FBXL4: variants seen among roughly 807,000 people sequenced by gnomAD.
The protein encoded by FBXL4 is F-box and leucine rich repeat protein 4, also known as F-box/LRR-repeat protein 4.
FBXL4 carries 40 observed loss-of-function variants against 58.9 expected under a neutral mutation model. That is an observed-to-expected ratio of 0.68 (90% CI 0.53 to 0.88). The LOEUF is 0.88. FBXL4 is among the 40% of genes least tolerant of loss of function. The pLI, the probability that FBXL4 is intolerant of heterozygous loss-of-function variation, is 0.00. For synonymous variants in FBXL4, 263 were observed against 265.5 expected, an observed-to-expected ratio of 0.99 and a Z score of 0.09; for missense variants, 676 against 734.4, an observed-to-expected ratio of 0.92 and a Z score of 0.92.
rs370094281 is a variant in FBXL4, at chr6:98,935,652, G to T, written c.-308-773C>A. Among the ~76,000 whole-genome samples, 642 of 151,262 alleles carry T rather than the reference G, an allele frequency of 4.2e-3. 6 individuals are homozygous for T. Among genetic ancestry groups the T allele is most frequent in the African/African-American group, 0.015 (601 of 41,120 alleles). On this transcript the variant is annotated intron_variant, in intron 1 of 9. Transcript: ENST00000369244. The stretch of plus-strand genomic sequence containing the variant: ...AAAATACAAAAAATTAGCCGGGCGC[G>T]GTGGCGGGCGCCTGTAGTCCCAGCT...
rs1340897612 is a variant in FBXL4 at position 98,875,631 on chromosome 6, C to T, written c.1486G>A (p.Gly496Arg). 1 of 1,614,110 alleles carries T rather than the reference C, an allele frequency of 6.2e-7. No homozygotes were observed. Among genetic ancestry groups the T allele is most frequent in the African/African-American group, 1.3e-5 (1 of 75,040 alleles). ...CACCCAGAAGCCAGTTCTGCTATTC[C>T]ATTCTCAGTAATATTCTTACATCTC... ...LWRCKNITEN[G>R]IAELASGCPL... is the part of the protein sequence containing the mutation. Residue 496 changes from glycine to arginine, a missense_variant, in exon 9 of 10, where the codon GGA becomes AGA. Physicochemically the swap from Gly to Arg is moderately radical, Grantham distance 125. Transcript: ENST00000369244.
intron 4 of FBXL4, among the ~76,000 whole-genome samples, chr6:98,919,629 T>TA (rs1282846974): frequency 6.6e-6 from 1 of 152,136 alleles, no homozygotes; most frequent in Non-Finnish European, 1.5e-5. Context: ...GATTAACTGC[T>TA]AAAATCAAGG....
At chr6:98,947,036 C>A (rs367794272) in intron 1 of FBXL4, among the ~76,000 whole-genome samples, 1 of 152,258 alleles carries the variant, frequency 6.6e-6, no homozygotes, top group East Asian at 1.9e-4. Flanking sequence ...GAGATCCCTG[C>A]ACCTGGTGGT....
At chr6:98,935,871 T>C (rs575997663) in intron 1 of FBXL4, among the ~76,000 whole-genome samples, 3 of 151,476 alleles carry the variant, frequency 2.0e-5, no homozygotes, top group African/African-American at 7.3e-5. Flanking sequence ...TTAGCAGATA[T>C]GCAATGATAT....
chr6:98,901,942 A>G (rs1463708036), intron 6 of FBXL4, among the ~76,000 whole-genome samples: 1 of 152,182 alleles, frequency 6.6e-6, no homozygotes, highest in Non-Finnish European at 1.5e-5. Context: ...CCTAAGTCAG[A>G]TAAACAATCC....
rs773041308 is a variant in FBXL4 at position 98,926,980 on chromosome 6, C to G, written c.9G>C (p.Pro3=). The G allele has an allele frequency of 3.7e-6, 6 of 1,613,330 alleles. No individual in the cohort carries two copies. Among genetic ancestry groups the G allele is most frequent in the Admixed American group, 1.7e-5 (1 of 59,950 alleles). Residue 3 remains proline, a synonymous_variant, in exon 4 of 10, where the codon CCG becomes CCC. Transcript: ENST00000369244. MS[P]VFPMLTVLTM... ...TCAGAACTGTTAACATGGGAAAGAC[C>G]GGTGACATCTAGATGTGAATTATGA...
chr6:98,879,821 T>C (rs1770784664), intron 8 of FBXL4, among the ~76,000 whole-genome samples: 1 of 151,762 alleles, frequency 6.6e-6, no homozygotes, highest in African/African-American at 2.4e-5. Flanking sequence ...TACATCCCTG[T>C]AATCCCAGCT....
chr6:98,904,778 T>C (rs1771736017), intron 6 of FBXL4, among the ~76,000 whole-genome samples: 1 of 152,144 alleles, frequency 6.6e-6, no homozygotes. Context: ...AAAACACCTG[T>C]TTGTATCCTA....
intron 7 of FBXL4, among the ~76,000 whole-genome samples, chr6:98,888,354 T>C (rs1346784114): frequency 6.6e-6 from 1 of 152,238 alleles, no homozygotes; most frequent in Admixed American, 6.5e-5. Context: ...ATTTACTACC[T>C]AGCCCTTCAC....
intron 2 of FBXL4, among the ~76,000 whole-genome samples, chr6:98,930,053 C>T (rs986306026): frequency 1.3e-5 from 2 of 152,180 alleles, no homozygotes. Context: ...TGTGAAAACT[C>T]TTTGCAGGAA....
chr6:98,903,969 C>T (rs1297460342), intron 6 of FBXL4, among the ~76,000 whole-genome samples: 1 of 152,100 alleles, frequency 6.6e-6, no homozygotes, highest in Non-Finnish European at 1.5e-5. Context: ...CAATGCCTTG[C>T]ACACAAAGGG....
At chr6:98,878,214 A>C (rs760199025) in intron 8 of FBXL4, among the ~76,000 whole-genome samples, 6 of 152,252 alleles carry the variant, frequency 3.9e-5, no homozygotes, top group Non-Finnish European at 8.8e-5. Context: ...CTTCATAAAT[A>C]TCACAAATCT....
chr6:98,946,785 A>G (rs1286711906), intron 1 of FBXL4, among the ~76,000 whole-genome samples: 1 of 152,224 alleles, frequency 6.6e-6, no homozygotes, highest in Non-Finnish European at 1.5e-5. Flanking sequence ...AGTGCCTACT[A>G]AAGCATAATG....
intron 1 of FBXL4, among the ~76,000 whole-genome samples, chr6:98,942,621 G>A (rs971569979): frequency 5.3e-5 from 8 of 152,002 alleles, no homozygotes; most frequent in Non-Finnish European, 7.4e-5. Context: ...CTGAGGCCTC[G>A]CAGAAGCCTA....
At chr6:98,899,211 C>T (rs1771512909) in intron 7 of FBXL4, 57 bp downstream of exon 7, 1 of 1,588,890 alleles carries the variant, frequency 6.3e-7, no homozygotes, top group South Asian at 1.1e-5. Flanking sequence ...TTACAGAAAA[C>T]CAAATCTTCA....
intron 1 of FBXL4, among the ~76,000 whole-genome samples, chr6:98,936,207 T>C (rs1773211806): frequency 6.6e-6 from 1 of 152,206 alleles, no homozygotes; most frequent in African/African-American, 2.4e-5. Context: ...ACTTTAAGCA[T>C]ATAATTTGAT....
At position 98,905,567 on chromosome 6, in the gene FBXL4, A is replaced by C; in HGVS notation, c.962T>G (p.Ile321Ser). ...SQHCCDPLQY[I>S]HLNLQPYWAK... ...CCAGTATGGTTGCAGATTGAGGTGG[A>C]TGTATTGCAGAGGATCACAGCAATG... The change falls in exon 6 of 10, where the codon ATC (isoleucine) becomes AGC (serine). Residue 321 changes from isoleucine to serine, a missense_variant. By Grantham distance (142) the Ile-to-Ser change is moderately radical (BLOSUM62 -2). Transcript: ENST00000369244. The C allele has an allele frequency of 6.2e-7, 1 of 1,614,042 alleles. No homozygotes were observed. The highest frequency in any genetic ancestry group is 8.5e-7 in the Non-Finnish European group (1 of 1,179,958).
chr6:98,912,930 C>G (rs543427124), intron 5 of FBXL4, among the ~76,000 whole-genome samples: 14 of 151,774 alleles, frequency 9.2e-5, no homozygotes, highest in African/African-American at 3.1e-4. Flanking sequence ...TTCAGGAAAC[C>G]CATCTCACGT....
intron 7 of FBXL4, 134 bp from the exon 8 acceptor site, chr6:98,880,758 C>T: frequency 4.3e-6 from 3 of 701,914 alleles, no homozygotes; most frequent in Non-Finnish European, 7.4e-6. Context: ...TTACAGAGTC[C>T]ACAAATGCCA....
Sources: allele counts gnomAD v4.1 joint callset (sites outside exome capture counted in the v4.1 genomes callset), GRCh38; gene constraint gnomAD v4.1.1; transcripts MANE v1.5; gene names NCBI Gene and HGNC (gene_info 2026-07-23, HGNC 2026-07-21).